Variants in CLMP observed in about 807,000 individuals in gnomAD.
CLMP encodes the protein CXADR like cell adhesion molecule, also known as CXADR-like membrane protein.
Under a neutral mutation model 45.2 loss-of-function variants are expected in CLMP, and 27 were observed. That is an observed-to-expected ratio of 0.60 (90% CI 0.44 to 0.82). CLMP has a LOEUF of 0.82. CLMP is among the 40% of genes least tolerant of loss of function. The probability of loss-of-function intolerance (pLI) is 0.00; values close to 1 mark genes in which losing one functional copy is unlikely to be tolerated. For missense variants in CLMP, 403 were observed against 448.4 expected, an observed-to-expected ratio of 0.90 and a Z score of 0.91; for synonymous variants, 167 against 171.4, an observed-to-expected ratio of 0.97 and a Z score of 0.20.
chr11:123,130,780 A>G (rs1421752905), intron 1 of CLMP, among the ~76,000 whole-genome samples: 4 of 152,018 alleles, frequency 2.6e-5, no homozygotes, highest in Non-Finnish European at 5.9e-5. Flanking sequence ...ACACCGTCAT[A>G]GCAAAAAGTG....
At chr11:123,194,846 C>G in intron 1 of CLMP, 67 bp downstream of exon 1, 1 of 1,599,460 alleles carries the variant, frequency 6.3e-7, no homozygotes, top group Non-Finnish European at 8.6e-7. Context: ...GAACCGGCGT[C>G]TTTCCCGGAC....
intron 1 of CLMP, among the ~76,000 whole-genome samples, chr11:123,103,828 GTC>G (rs1860491846): frequency 7.0e-6 from 1 of 142,450 alleles, no homozygotes; most frequent in African/African-American, 2.6e-5. Context: ...CCTGGGTTCT[GTC>G]TCTTTTTTTT....
intron 2 of CLMP, among the ~76,000 whole-genome samples, chr11:123,093,187 T>A (rs541557406): frequency 3.2e-4 from 48 of 152,120 alleles, no homozygotes; most frequent in African/African-American, 1.1e-3. Context: ...ATTACAGGTG[T>A]GAACCACCAC....
At chr11:123,165,057 G>T (rs1433183240) in intron 1 of CLMP, among the ~76,000 whole-genome samples, 1 of 152,202 alleles carries the variant, frequency 6.6e-6, no homozygotes, top group East Asian at 1.9e-4. Context: ...TCTACATTGT[G>T]CATGGGACAG....
At chr11:123,137,159 T>TC (rs1384348465) in intron 1 of CLMP, among the ~76,000 whole-genome samples, 1 of 134,522 alleles carries the variant, frequency 7.4e-6, no homozygotes, top group East Asian at 2.1e-4. Flanking sequence ...TTTTTTTTTT[T>TC]TTTTTTTTTT....
intron 1 of CLMP, among the ~76,000 whole-genome samples, chr11:123,188,078 T>C (rs1016854364): frequency 2.6e-5 from 4 of 152,238 alleles, no homozygotes; most frequent in African/African-American, 9.6e-5. Flanking sequence ...CTCATGTATC[T>C]GACATTCCTT....
At chr11:123,097,436 T>C (rs1866003757) in intron 2 of CLMP, among the ~76,000 whole-genome samples, 1 of 151,902 alleles carries the variant, frequency 6.6e-6, no homozygotes, top group South Asian at 2.1e-4. Context: ...CTCTGGGGTT[T>C]AAGCAATTCT....
chr11:123,113,870 T>C (rs1860680057), intron 1 of CLMP, among the ~76,000 whole-genome samples: 1 of 151,962 alleles, frequency 6.6e-6, no homozygotes. Context: ...AATATGCTAT[T>C]TATGGTTCCA....
intron 1 of CLMP, among the ~76,000 whole-genome samples, chr11:123,159,806 T>G (rs1861460645): frequency 6.6e-6 from 1 of 152,232 alleles, no homozygotes; most frequent in Admixed American, 6.5e-5. Context: ...TAAAAAATTA[T>G]TTTCAATTTC....
At chr11:123,117,391 A>T (rs1000584598) in intron 1 of CLMP, among the ~76,000 whole-genome samples, 1 of 151,752 alleles carries the variant, frequency 6.6e-6, no homozygotes, top group African/African-American at 2.4e-5. Flanking sequence ...TTGACTTGAG[A>T]CCTTTTATCT....
In CLMP at chr11:123,162,142, C is replaced by G. The variant is rs75904295; in HGVS notation, c.28+32771G>C. Among the ~76,000 whole-genome samples the G allele has an allele frequency of 3.4e-3, 513 of 152,264 alleles. 12 individuals carry two copies. In the East Asian group the frequency reaches 0.051, roughly 15 times the overall value. Reference sequence around the variant, plus strand: ...GAACAGCTCAGTCTAAGGGGAAGTTCCTGGAGGACACAGAGCTCATTTTAG... The same window carrying G: ...GAACAGCTCAGTCTAAGGGGAAGTTGCTGGAGGACACAGAGCTCATTTTAG... On this transcript the variant is annotated intron_variant, in intron 1 of 6. Coordinates refer to ENST00000448775, the MANE Select transcript of CLMP (RefSeq NM_024769.5).
intron 3 of CLMP, 31 bp from the exon 4 acceptor site, chr11:123,083,878 G>A: frequency 6.2e-7 from 1 of 1,607,828 alleles, no homozygotes; most frequent in East Asian, 2.2e-5. Context: ...CAAAAGTGTA[G>A]TGATTCAAAG....
intron 1 of CLMP, among the ~76,000 whole-genome samples, chr11:123,156,476 G>A (rs1018297663): frequency 2.6e-5 from 4 of 152,192 alleles, no homozygotes; most frequent in East Asian, 1.9e-4. Flanking sequence ...CTGAATTCCC[G>A]ATTCATAGAA....
intron 1 of CLMP, among the ~76,000 whole-genome samples, chr11:123,140,401 G>A (rs1439977233): frequency 6.6e-6 from 1 of 152,174 alleles, no homozygotes; most frequent in Non-Finnish European, 1.5e-5. Context: ...GGAATGAAAG[G>A]TGAAATGTAA....
chr11:123,170,183 T>C (rs1861610755), intron 1 of CLMP, among the ~76,000 whole-genome samples: 1 of 152,152 alleles, frequency 6.6e-6, no homozygotes. Context: ...AGGAAATATA[T>C]TTGGGGTTAA....
chr11:123,154,593 T>C (rs1016944189), intron 1 of CLMP, among the ~76,000 whole-genome samples: 1 of 152,172 alleles, frequency 6.6e-6, no homozygotes. Context: ...CGGCATGTCA[T>C]GTCAAATAAA....
Position 123,134,276 on chromosome 11 carries a change from C to T in CLMP, c.29-36324G>A, listed in dbSNP as rs1861036456. On this transcript the variant is annotated intron_variant, in intron 1 of 6. Coordinates refer to ENST00000448775, the MANE Select transcript of CLMP (RefSeq NM_024769.5). ...CTGTCTTAAAAAAAAAAAAAGTATGCTTTTCTCTTATTAATCTGTCTTTTG... is the reference window on the plus strand; with the variant it reads ...CTGTCTTAAAAAAAAAAAAAGTATGTTTTTCTCTTATTAATCTGTCTTTTG... Among the ~76,000 whole-genome samples the T allele has an allele frequency of 3.3e-5, 5 of 151,352 alleles. No individual in the cohort carries two copies. In the South Asian group the frequency reaches 1.0e-3, roughly 32 times the overall value.
intron 5 of CLMP, among the ~76,000 whole-genome samples, chr11:123,079,600 T>C (rs554218455): frequency 6.6e-6 from 1 of 152,196 alleles, no homozygotes; most frequent in Admixed American, 6.5e-5. Context: ...ATTACAGGCA[T>C]GCCCAGCTAA....
At chr11:123,135,095 AC>A (rs1565393116) in intron 1 of CLMP, among the ~76,000 whole-genome samples, 2 of 152,020 alleles carry the variant, frequency 1.3e-5, no homozygotes, top group South Asian at 4.1e-4. Context: ...CCCCGTCTCT[AC>A]TAAAAATACA....
Sources: gnomAD v4.1 joint callset for allele counts (sites outside exome capture counted in the v4.1 genomes callset) on GRCh38, gnomAD v4.1.1 for gene constraint, MANE v1.5 for transcripts, NCBI Gene and HGNC (gene_info 2026-07-23, HGNC 2026-07-21) for gene names.